Variants in EPAS1 observed in about 807,000 individuals in gnomAD.
EPAS1 encodes the protein endothelial PAS domain protein 1.
In EPAS1, 23 loss-of-function variants were observed where a neutral mutation model predicts 87.9. That is an observed-to-expected ratio of 0.26 (90% CI 0.19 to 0.37). EPAS1 has a LOEUF of 0.37. Among genes scored for constraint, EPAS1 ranks in the 10% least tolerant of loss-of-function variants. The pLI is 1.00. For missense variants in EPAS1, 1,138 were observed against 1,120.7 expected (o/e 1.02, Z -0.22); for synonymous variants, 508 against 444.3 (o/e 1.14, Z -1.80).
intron 2 of EPAS1, among the ~76,000 whole-genome samples, chr2:46,350,577 C>T (rs912792080): frequency 6.6e-6 from 1 of 152,228 alleles, no homozygotes; most frequent in Non-Finnish European, 1.5e-5. Flanking sequence ...ACAGAACACA[C>T]TCTTACAGGA....
In EPAS1 at chr2:46,375,949, A is replaced by G. The variant is rs115072343; in HGVS notation, c.1034+112A>G. Reference sequence around the variant, plus strand: ...TGCCAGGCCTCTCAGCGCCCTGGGCACCACCTCAGGGAGGTCTTGCAGGGC... The same window carrying G: ...TGCCAGGCCTCTCAGCGCCCTGGGCGCCACCTCAGGGAGGTCTTGCAGGGC... On this transcript the variant is annotated intron_variant, in intron 8 of 15. Coordinates refer to ENST00000263734, the MANE Select transcript of EPAS1 (RefSeq NM_001430.5). The surrounding 1 kb of genome is among the most constrained non-coding windows in gnomAD (Gnocchi z 4.1). 3.3e-3 allele frequency: 4,721 copies of G among 1,437,442 alleles called. 144 individuals carry two copies. The African/African-American group carries it at 0.06, about 18-fold the overall frequency. The allele number at this position is 1,437,442 out of a possible 1,614,324, so 89.0% of individuals were successfully genotyped here. A position where few individuals can be genotyped will look rare whatever the true frequency, so the allele number is the denominator to read the frequency against.
Position 46,381,249 on chromosome 2 carries a change from C to G in EPAS1, c.2046-347C>G, listed in dbSNP as rs149469981. 2,358 of 384,940 alleles carry G rather than the reference C, an allele frequency of 6.1e-3. 16 individuals carry two copies. The highest frequency in any genetic ancestry group is 9.0e-3 in the Non-Finnish European group (1,805 of 201,144). The allele number at this position is 384,940 out of a possible 1,614,324, so 23.8% of individuals were successfully genotyped here. On this transcript the variant is annotated intron_variant, in intron 12 of 15. Coordinates refer to ENST00000263734, the MANE Select transcript of EPAS1 (RefSeq NM_001430.5). ...GTACATGACCTGCCACTCCCAGGGG[C>G]CGCTGGTACTTGCCCTTTATAGAGC...
intron 1 of EPAS1, among the ~76,000 whole-genome samples, chr2:46,327,861 C>T (rs1027066728): frequency 1.1e-4 from 16 of 152,186 alleles, no homozygotes; most frequent in Admixed American, 7.2e-4. Flanking sequence ...GAGGAGGCCC[C>T]GCCAGAGCCC....
rs1406712684 is a variant in EPAS1 at position 46,381,584 on chromosome 2, C to G, written c.2046-12C>G. The G allele has an allele frequency of 4.3e-6, 7 of 1,613,866 alleles. No individual in the cohort carries two copies. The African/African-American group carries it at 6.7e-5, about 15-fold the overall frequency. On this transcript the variant is annotated splice_polypyrimidine_tract_variant and intron_variant, in intron 12 of 15. Coordinates refer to ENST00000263734, the MANE Select transcript of EPAS1 (RefSeq NM_001430.5). Reference sequence around the variant, plus strand: ...CAGACTCCCTCATAGCCTGCTCTCTCGGGCTTGGCAGGTCTGCAAAGGGTT... The same window carrying G: ...CAGACTCCCTCATAGCCTGCTCTCTGGGGCTTGGCAGGTCTGCAAAGGGTT...
At position 46,380,701 on chromosome 2, in the gene EPAS1, T is replaced by G; in HGVS notation, c.2029T>G (p.Ser677Ala). The change falls in exon 12 of 16, where the codon TCC (serine) becomes GCC (alanine). Residue 677 changes from serine to alanine, a missense_variant. Physicochemically the swap from Ser to Ala is moderately conservative, Grantham distance 99. Coordinates refer to ENST00000263734, the MANE Select transcript of EPAS1 (RefSeq NM_001430.5). The surrounding 1 kb of genome is among the most constrained non-coding windows in gnomAD (Gnocchi z 4.4). ...LGPPVSPPHV[S>A]TFKTRSAKGF... ...GCCCCCTGTCTCTCCACCCCATGTCTCCACCTTCAAGACAAGGTAAGTGGC... is the reference window on the plus strand; with the variant it reads ...GCCCCCTGTCTCTCCACCCCATGTCGCCACCTTCAAGACAAGGTAAGTGGC... The G allele has an allele frequency of 6.2e-7, 1 of 1,612,350 alleles. No individual in the cohort carries two copies. Among genetic ancestry groups the G allele is most frequent in the South Asian group, 1.1e-5 (1 of 91,072 alleles).
At position 46,297,926 on chromosome 2, in the gene EPAS1, G is replaced by A. The variant is rs763563822; in HGVS notation, c.15G>A (p.Lys5=). 1.2e-5 allele frequency: 20 copies of A among 1,612,586 alleles called. No individual in the cohort carries two copies. The African/African-American group carries it at 2.1e-4, about 17-fold the overall frequency. MTAD[K]EKKRSSSERR... is the part of the protein sequence containing the mutation. ...CCACAGCGACAATGACAGCTGACAAGGAGAAGAAAAGGTAAGCGGGCGTCC... is the reference window on the plus strand; with the variant it reads ...CCACAGCGACAATGACAGCTGACAAAGAGAAGAAAAGGTAAGCGGGCGTCC... The change falls in exon 1 of 16, where the codon AAG becomes AAA. Residue 5 remains lysine (K), a synonymous_variant. Coordinates refer to ENST00000263734, the MANE Select transcript of EPAS1 (RefSeq NM_001430.5).
intron 8 of EPAS1, 88 bp from the exon 9 acceptor site, chr2:46,376,451 C>G (rs1208641375): frequency 7.5e-7 from 1 of 1,330,864 alleles, no homozygotes; most frequent in Non-Finnish European, 1.1e-6. Flanking sequence ...TGTCGGAGAG[C>G]TTAGCTATGA....
chr2:46,351,901 A>C (rs1684151765), intron 2 of EPAS1, among the ~76,000 whole-genome samples: 1 of 152,116 alleles, frequency 6.6e-6, no homozygotes. Context: ...CCTGCTGCCC[A>C]GGAAGTCCCA....
At chr2:46,369,092 G>T (rs979033047) in intron 6 of EPAS1, among the ~76,000 whole-genome samples, 13 of 152,252 alleles carry the variant, frequency 8.5e-5, no homozygotes, top group African/African-American at 3.1e-4. Context: ...CATCTGAGCT[G>T]CCTATTAGAG....
intron 1 of EPAS1, among the ~76,000 whole-genome samples, chr2:46,342,841 T>C (rs1427061848): frequency 6.6e-6 from 1 of 152,144 alleles, no homozygotes; most frequent in Non-Finnish European, 1.5e-5. Context: ...CTGACAATTT[T>C]TGGACATTTC....
intron 2 of EPAS1, among the ~76,000 whole-genome samples, chr2:46,354,550 A>G (rs1684232583): frequency 6.7e-6 from 1 of 150,292 alleles, no homozygotes. Flanking sequence ...CAGATAGCAG[A>G]GGTATACTAG....
At position 46,361,022 on chromosome 2, in the gene EPAS1, C is replaced by T. The variant is rs368456528; in HGVS notation, c.711C>T (p.Ile237=). The change falls in exon 6 of 16, where the codon ATC becomes ATT. Residue 237 remains isoleucine, a synonymous_variant. Transcript: ENST00000263734. ...TCCAGCACCCATCCCACATGGACATCCCCCTGGATAGCAAGACCTTCCTGA... is the reference window on the plus strand; with the variant it reads ...TCCAGCACCCATCCCACATGGACATTCCCCTGGATAGCAAGACCTTCCTGA... ...EPIQHPSHMD[I]PLDSKTFLSR... The T allele has an allele frequency of 6.2e-7, 1 of 1,614,154 alleles. No individual in the cohort carries two copies.
chr2:46,348,555 G>T (rs537895797), intron 2 of EPAS1, among the ~76,000 whole-genome samples: 1 of 152,192 alleles, frequency 6.6e-6, no homozygotes, highest in Non-Finnish European at 1.5e-5. Flanking sequence ...CCTCTCCCCT[G>T]CTTTCCTGCT....
chr2:46,314,236 C>T (rs957231265), intron 1 of EPAS1, among the ~76,000 whole-genome samples: 5 of 152,108 alleles, frequency 3.3e-5, no homozygotes, highest in African/African-American at 9.7e-5. Context: ...GTGTTGGTGG[C>T]GTCTGGAAAT....
rs2103667719 is a variant in EPAS1, at chr2:46,378,059, C to T, written c.1415C>T (p.Ala472Val). 6.2e-7 allele frequency: 1 copy of T among 1,606,714 alleles called. No homozygotes were observed. Among genetic ancestry groups the T allele is most frequent in the Non-Finnish European group, 8.5e-7 (1 of 1,177,760 alleles). The change falls in exon 10 of 16, where the codon GCC (alanine) becomes GTC (valine). Residue 472 changes from alanine (A) to valine (V), a missense_variant. Transcript: ENST00000263734. ...AAAPGSTTPS[A>V]TSSSSSCSTP... ...GCCCCGGGCAGCACCACCCCCAGTG[C>T]CACCAGCAGCAGCAGCAGCTGCTCC...
rs748761768 is a variant in EPAS1, at chr2:46,356,153, T to G, written c.220T>G (p.Cys74Gly). Residue 74 changes from cysteine (C) to glycine (G), a missense_variant and splice_region_variant, in exon 3 of 16, where the codon TGC (cysteine) becomes GGC (glycine). This residue lies in a region of EPAS1 where 351 missense variants were observed against 417.1 expected (regional missense o/e 0.84). Coordinates refer to ENST00000263734, the MANE Select transcript of EPAS1 (RefSeq NM_001430.5). The stretch of plus-strand genomic sequence containing the variant: ...GTCCCACCCCCCCCCCTTTCCAGTT[T>G]GCTCTGAAAACGAGTCCGAAGCCGA... ...LRTHKLLSSVCSENESEAEAD... is the reference protein window; with the variant it reads ...LRTHKLLSSVGSENESEAEAD... 6.4e-6 allele frequency: 8 copies of G among 1,245,178 alleles called. No homozygotes were observed. Among genetic ancestry groups the G allele is most frequent in the Non-Finnish European group, 9.2e-6 (8 of 866,818 alleles). 77.1% of individuals were successfully genotyped at this position (1,245,178 alleles called of 1,614,324 possible). A position where few individuals can be genotyped will look rare whatever the true frequency, so the allele number is the denominator to read the frequency against.
chr2:46,343,623 G>T (rs1355724211), intron 1 of EPAS1, among the ~76,000 whole-genome samples: 1 of 152,212 alleles, frequency 6.6e-6, no homozygotes, highest in Non-Finnish European at 1.5e-5. Flanking sequence ...AGTGCTTTCT[G>T]TAAAGGCATT....
Position 46,380,100 on chromosome 2 carries a change from T to A in EPAS1, c.1555-127T>A. ...TTCCTGATAGGCCCTCGGGAGCCAG[T>A]GGAGGCGTTTGAGCAGCACTGTGAA... On this transcript the variant is annotated intron_variant, in intron 11 of 15. Coordinates refer to ENST00000263734, the MANE Select transcript of EPAS1 (RefSeq NM_001430.5). The surrounding 1 kb of genome is among the most constrained non-coding windows in gnomAD (Gnocchi z 4.4). 6.7e-7 allele frequency: 1 copy of A among 1,498,246 alleles called. No individual in the cohort carries two copies. Among genetic ancestry groups the A allele is most frequent in the Non-Finnish European group, 9.2e-7 (1 of 1,089,526 alleles). The allele number at this position is 1,498,246 out of a possible 1,614,324, so 92.8% of individuals were successfully genotyped here. A position where few individuals can be genotyped will look rare whatever the true frequency, so the allele number is the denominator to read the frequency against.
At chr2:46,309,917 C>T (rs4952818) in intron 1 of EPAS1, among the ~76,000 whole-genome samples, 59,224 of 152,124 alleles carry the variant, frequency 0.39, 14,389 homozygotes, top group Middle Eastern at 0.58. Flanking sequence ...CATTAGCCCT[C>T]CAACCAGAAG....
Sources: allele counts gnomAD v4.1 joint callset (sites outside exome capture counted in the v4.1 genomes callset), GRCh38; gene constraint gnomAD v4.1.1; regional missense constraint gnomAD v4.1.1; non-coding constraint Gnocchi (gnomAD v3.1); transcripts MANE v1.5; gene names NCBI Gene and HGNC (gene_info 2026-07-23, HGNC 2026-07-21).